Variants in ABCA3 observed in about 807,000 individuals in gnomAD.
ABCA3 encodes phospholipid-transporting ATPase ABCA3.
ABCA3 carries 88 observed loss-of-function variants against 172.8 expected under a neutral mutation model. The ratio of observed to expected loss-of-function variants is 0.51; its 90% CI spans 0.43 to 0.61. The LOEUF (loss-of-function observed/expected upper bound fraction) is 0.61. ABCA3 is among the 20% of genes least tolerant of loss of function. The pLI is 0.00. For missense variants in ABCA3, 2,164 were observed against 2,301.0 expected (o/e 0.94, Z 1.22); for synonymous variants, 1,066 against 983.8 (o/e 1.08, Z -1.56).
Position 2,316,490 on chromosome 16 carries a change from C to CAAAAAAAAAAAAAAAA in ABCA3, c.1111+777_1111+792dup, listed in dbSNP as rs71148128. Among the ~76,000 whole-genome samples the CAAAAAAAAAAAAAAAA allele has an allele frequency of 1.4e-3, 41 of 28,866 alleles. 16 individuals carry two copies. Among genetic ancestry groups the CAAAAAAAAAAAAAAAA allele is most frequent in the Non-Finnish European group, 2.5e-3 (33 of 13,002 alleles). 18.9% of individuals were successfully genotyped at this position (28,866 alleles called of 152,430 possible). Reference sequence around the variant, plus strand: ...CAAAACCCCGTCTCTACTAAAAATGCAAAAAAAAAAAAAAAAAAAAAAAAA... The same window carrying CAAAAAAAAAAAAAAAA: ...CAAAACCCCGTCTCTACTAAAAATGCAAAAAAAAAAAAAAAAAAAAAAAAAAAAAAAAAAAAAAAAA... On this transcript the variant is annotated intron_variant, in intron 10 of 32. Transcript: ENST00000301732.
chr16:2,281,523 A>G lies in ABCA3; in HGVS notation c.4036-14T>C. On this transcript the variant is annotated splice_polypyrimidine_tract_variant and intron_variant, in intron 26 of 32. Transcript: ENST00000301732. This position sits in a 1 kb window ranked among gnomAD's most constrained non-coding sequence, Gnocchi z 4.7. ...GTATAATTCTGTCTGATTGACCAGG[A>G]CAAAGACCGCATGCGTGAACCCAGC... The G allele has an allele frequency of 2.5e-6, 4 of 1,608,758 alleles. No homozygotes were observed. The highest frequency in any genetic ancestry group is 3.4e-6 in the Non-Finnish European group (4 of 1,177,482).
At chr16:2,312,097 T>C (rs375772439) in intron 10 of ABCA3, among the ~76,000 whole-genome samples, 23 of 152,368 alleles carry the variant, frequency 1.5e-4, no homozygotes, top group African/African-American at 5.5e-4. Context: ...CATTTGTTAA[T>C]GTTATCACTG....
chr16:2,292,478 T>TA (rs2093673572), intron 18 of ABCA3, among the ~76,000 whole-genome samples: 1 of 151,914 alleles, frequency 6.6e-6, no homozygotes, highest in Admixed American at 6.6e-5. Context: ...CAGGTGCCTG[T>TA]AGTCCCAGCT....
rs1399854098 is a variant in ABCA3, at chr16:2,285,380, G to A, written c.3483+62C>T. The A allele has an allele frequency of 1.3e-6, 2 of 1,544,712 alleles. No homozygotes were observed. The highest frequency in any genetic ancestry group is 1.9e-5 in the Admixed American group (1 of 51,432). ...CCAGCTGGTTCCGGTTCTGCACAGGGGTCCCAGGGCAAGCCCTCTGCGGTC... is the reference window on the plus strand; with the variant it reads ...CCAGCTGGTTCCGGTTCTGCACAGGAGTCCCAGGGCAAGCCCTCTGCGGTC... On this transcript the variant is annotated intron_variant, in intron 23 of 32. Coordinates refer to ENST00000301732, the MANE Select transcript of ABCA3 (RefSeq NM_001089.3). This position sits in a 1 kb window ranked among gnomAD's most constrained non-coding sequence, Gnocchi z 4.7.
intron 8 of ABCA3, among the ~76,000 whole-genome samples, chr16:2,319,144 T>A (rs1453552653): frequency 6.6e-5 from 10 of 151,958 alleles, no homozygotes; most frequent in Non-Finnish European, 8.8e-5. Flanking sequence ...GAGGCTGAGA[T>A]GGGAGAATTT....
In ABCA3 at chr16:2,279,010, A is replaced by T; in HGVS notation, c.4480T>A (p.Cys1494Ser). ...AGGCCCCGCAGAGTGTTCTCCACGC[A>T]GGCCCCGATGTGGCGCTCAGGGATG... is the stretch of plus-strand genomic sequence containing the variant. ...RGIPERHIGA[C>S]VENTLRGLLL... Residue 1494 changes from cysteine to serine, a missense_variant, in exon 29 of 33, where the codon TGC (cysteine) becomes AGC (serine). By Grantham distance (112) the Cys-to-Ser change is moderately radical. Around this residue, in one of 3 missense-constraint regions of ABCA3, gnomAD observed 795 missense variants for 881.9 expected, o/e 0.90. Transcript: ENST00000301732. The surrounding 1 kb of genome is among the most constrained non-coding windows in gnomAD (Gnocchi z 4.4). 1 of 1,613,562 alleles carries T rather than the reference A, an allele frequency of 6.2e-7. No homozygotes were observed. The highest frequency in any genetic ancestry group is 8.5e-7 in the Non-Finnish European group (1 of 1,180,030).
chr16:2,304,285 C>A, intron 11 of ABCA3, 135 bp from the exon 12 acceptor site: 2 of 895,640 alleles, frequency 2.2e-6, no homozygotes, highest in Non-Finnish European at 1.8e-6. Flanking sequence ...TTTCCCTTCC[C>A]GGTTTTATAA....
At position 2,284,369 on chromosome 16, in the gene ABCA3, CCA is replaced by C; in HGVS notation, c.3770_3771del (p.Leu1257ArgfsTer31). 1 of 1,614,020 alleles carries C rather than the reference CCA, an allele frequency of 6.2e-7. No individual in the cohort carries two copies. The highest frequency in any genetic ancestry group is 8.5e-7 in the Non-Finnish European group (1 of 1,180,008). ...TCGTAGAAACTGCTGACTGCCATCC[CCA>C]GACAGTGGTTGGGCAGCACCAGGAA... ...HVFLVLPNHC[L>X]GMAVSSFYEN... On this transcript the variant is annotated frameshift_variant, in exon 25 of 33. Coordinates refer to ENST00000301732, the MANE Select transcript of ABCA3 (RefSeq NM_001089.3). LOFTEE classifies it high-confidence loss of function. This position sits in a 1 kb window ranked among gnomAD's most constrained non-coding sequence, Gnocchi z 5.9.
intron 18 of ABCA3, among the ~76,000 whole-genome samples, chr16:2,294,401 C>G (rs993004468): frequency 1.2e-4 from 18 of 152,048 alleles, no homozygotes; most frequent in Non-Finnish European, 2.4e-4. Context: ...AGTACAAAAT[C>G]TAGGCCGGGT....
chr16:2,284,655 G>C lies in ABCA3; in HGVS notation c.3703+124C>G. 8.1e-7 allele frequency: 1 copy of C among 1,239,180 alleles called. No homozygotes were observed. Among genetic ancestry groups the C allele is most frequent in the Non-Finnish European group, 1.1e-6 (1 of 878,620 alleles). The allele number at this position is 1,239,180 out of a possible 1,614,324, so 76.8% of individuals were successfully genotyped here. A position where few individuals can be genotyped will look rare whatever the true frequency, so the allele number is the denominator to read the frequency against. On this transcript the variant is annotated intron_variant, in intron 24 of 32. Coordinates refer to ENST00000301732, the MANE Select transcript of ABCA3 (RefSeq NM_001089.3). The surrounding 1 kb of genome is among the most constrained non-coding windows in gnomAD (Gnocchi z 5.9). ...GGGCAGGGCCAGCTGGGGCAGAGGGGCTGGTGAGCATGAACTGGGCCCATT... is the reference window on the plus strand; with the variant it reads ...GGGCAGGGCCAGCTGGGGCAGAGGGCCTGGTGAGCATGAACTGGGCCCATT...
intron 10 of ABCA3, 66 bp downstream of exon 10, chr16:2,317,217 G>C: frequency 6.2e-7 from 1 of 1,606,252 alleles, no homozygotes; most frequent in Non-Finnish European, 8.5e-7. Context: ...CAGCCTCTGG[G>C]TTATTTCCAT....
rs1300693142 is a variant in ABCA3, at chr16:2,281,241, A to G, written c.4165-20T>C. 1.2e-6 allele frequency: 2 copies of G among 1,613,318 alleles called. No individual in the cohort carries two copies. Among genetic ancestry groups the G allele is most frequent in the Admixed American group, 3.3e-5 (2 of 60,014 alleles). On this transcript the variant is annotated intron_variant, in intron 27 of 32. Coordinates refer to ENST00000301732, the MANE Select transcript of ABCA3 (RefSeq NM_001089.3). The surrounding 1 kb of genome is among the most constrained non-coding windows in gnomAD (Gnocchi z 4.7). ...GTACACCTGCAGGCACCCAACAGAA[A>G]ACACGGAATGCGGAGGCCTGGACGC...
chr16:2,291,631 G>A (rs573457829), intron 19 of ABCA3, among the ~76,000 whole-genome samples: 7 of 152,286 alleles, frequency 4.6e-5, no homozygotes, highest in South Asian at 2.1e-4. Context: ...GTGTGCCGCC[G>A]TTTCCCACGC....
chr16:2,325,953 G>GCCTA, intron 5 of ABCA3, 57 bp downstream of exon 5: 1 of 1,607,272 alleles, frequency 6.2e-7, no homozygotes, highest in Non-Finnish European at 8.5e-7. Context: ...ACCCCTGCCT[G>GCCTA]CCCAGCCGCG....
chr16:2,289,961 T>TCACACACACACACACACA lies in ABCA3; in HGVS notation c.2514-359_2514-342dup, dbSNP rs3138606. Among the ~76,000 whole-genome samples, 263 of 138,288 alleles carry TCACACACACACACACACA rather than the reference T, an allele frequency of 1.9e-3. 1 individual carries two copies. Among genetic ancestry groups the TCACACACACACACACACA allele is most frequent in the African/African-American group, 3.0e-3 (106 of 35,742 alleles). The allele number at this position is 138,288 out of a possible 152,430, so 90.7% of individuals were successfully genotyped here. On this transcript the variant is annotated intron_variant, in intron 19 of 32. Transcript: ENST00000301732. ...ATTTTTTAATATTATGTGAATTACA[T>TCACACACACACACACACA]CACACACACACACACACACACACAC...
intron 26 of ABCA3, among the ~76,000 whole-genome samples, chr16:2,282,180 A>G (rs2093656223): frequency 6.6e-6 from 1 of 152,224 alleles, no homozygotes; most frequent in South Asian, 2.1e-4. Context: ...AGGTCACTGC[A>G]GCCCGGACCT....
rs1270658125 is a variant in ABCA3 at position 2,284,751 on chromosome 16, G to A, written c.3703+28C>T. On this transcript the variant is annotated intron_variant, in intron 24 of 32. Coordinates refer to ENST00000301732, the MANE Select transcript of ABCA3 (RefSeq NM_001089.3). The surrounding 1 kb of genome is among the most constrained non-coding windows in gnomAD (Gnocchi z 5.9). The stretch of plus-strand genomic sequence containing the variant: ...GGAGTGGCTCCGTGGATGGCCATGG[G>A]GGCTGCGGGTGGTCTCCAGGTGCCC... The A allele has an allele frequency of 3.1e-6, 5 of 1,605,302 alleles. 1 individual carries two copies. In the South Asian group the frequency reaches 5.5e-5, roughly 18 times the overall value.
At chr16:2,291,559 C>T (rs182940255) in intron 19 of ABCA3, among the ~76,000 whole-genome samples, 133 of 152,298 alleles carry the variant, frequency 8.7e-4, no homozygotes, top group Non-Finnish European at 1.4e-3. Flanking sequence ...CCTCTGACGC[C>T]GTGTGCCAGC....
At chr16:2,328,403 C>T in intron 3 of ABCA3, 50 bp downstream of exon 3, 1 of 441,462 alleles carries the variant, frequency 2.3e-6, no homozygotes, top group Middle Eastern at 3.4e-4. Context: ...AGACACTGAA[C>T]CCAGAGTTAA....
Sources: allele counts gnomAD v4.1 joint callset (sites outside exome capture counted in the v4.1 genomes callset), GRCh38; gene constraint gnomAD v4.1.1; regional missense constraint gnomAD v4.1.1; non-coding constraint Gnocchi (gnomAD v3.1); transcripts MANE v1.5; gene names NCBI Gene and HGNC (gene_info 2026-07-23, HGNC 2026-07-21).